The following CTNNA3 variants were observed in gnomAD, a reference collection of about 807,000 sequenced individuals.
The protein encoded by CTNNA3 is catenin alpha 3.
Under a neutral mutation model 95.7 loss-of-function variants are expected in CTNNA3, and 76 were observed. That is an observed-to-expected ratio of 0.79 (90% CI 0.66 to 0.96). CTNNA3 has a LOEUF of 0.96. Ranked by LOEUF, CTNNA3 falls within the 40% of genes least tolerant of loss-of-function variation. The pLI is 0.00. For synonymous variants in CTNNA3, 431 were observed against 374.4 expected (o/e 1.15, Z -1.74); for missense variants, 1,191 against 1,089.8 (o/e 1.09, Z -1.31).
chr10:66,264,163 G>A (rs1055082537), intron 13 of CTNNA3, among the ~76,000 whole-genome samples: 1 of 151,800 alleles, frequency 6.6e-6, no homozygotes, highest in African/African-American at 2.4e-5. Context: ...TATGAAATGA[G>A]CAAATTCAAT....
At chr10:66,532,292 C>G (rs946545203) in intron 10 of CTNNA3, among the ~76,000 whole-genome samples, 1 of 151,998 alleles carries the variant, frequency 6.6e-6, no homozygotes, top group Non-Finnish European at 1.5e-5. Flanking sequence ...GAAACCCCGT[C>G]TCTACTAAAA....
intron 3 of CTNNA3, among the ~76,000 whole-genome samples, chr10:67,605,781 C>A (rs761518862): frequency 1.3e-5 from 2 of 152,034 alleles, no homozygotes; most frequent in Non-Finnish European, 2.9e-5. Flanking sequence ...CAGGTTCAAG[C>A]GATTCTCCTG....
chr10:66,212,820 A>G lies in CTNNA3; in HGVS notation c.1884+67650T>C, dbSNP rs561143111. On this transcript the variant is annotated intron_variant, in intron 13 of 17. Coordinates refer to ENST00000433211, the MANE Select transcript of CTNNA3 (RefSeq NM_013266.4). ...GGAGTTTGAGACCAGCCTGGCCAAC[A>G]TGGCGAAACCCCATCTCTACTAAAA... Among the ~76,000 whole-genome samples the G allele has an allele frequency of 2.6e-5, 4 of 152,330 alleles. No homozygotes were observed. The South Asian group carries it at 8.3e-4, about 32-fold the overall frequency.
intron 7 of CTNNA3, among the ~76,000 whole-genome samples, chr10:66,887,100 A>T (rs912413866): frequency 7.2e-5 from 11 of 152,166 alleles, no homozygotes; most frequent in Non-Finnish European, 1.2e-4. Flanking sequence ...GTGGAGTTTC[A>T]TCACACCAGG....
At chr10:66,661,301 G>A (rs1211652025) in intron 9 of CTNNA3, among the ~76,000 whole-genome samples, 4 of 152,200 alleles carry the variant, frequency 2.6e-5, no homozygotes, top group South Asian at 2.1e-4. Flanking sequence ...GGAGGCAAAA[G>A]GCACTTCTTA....
At chr10:66,129,714 C>T (rs1008684581) in intron 13 of CTNNA3, among the ~76,000 whole-genome samples, 1 of 152,056 alleles carries the variant, frequency 6.6e-6, no homozygotes, top group African/African-American at 2.4e-5. Flanking sequence ...CTCTTGTGGA[C>T]TGCACCTGAT....
At chr10:66,423,760 G>A (rs1257735549) in intron 11 of CTNNA3, among the ~76,000 whole-genome samples, 1 of 152,192 alleles carries the variant, frequency 6.6e-6, no homozygotes, top group Non-Finnish European at 1.5e-5. Context: ...CAGTCTGTAA[G>A]AGAGAATGCT....
At chr10:66,564,609 C>T (rs1314713723) in intron 10 of CTNNA3, among the ~76,000 whole-genome samples, 1 of 152,168 alleles carries the variant, frequency 6.6e-6, no homozygotes, top group South Asian at 2.1e-4. Flanking sequence ...CTGAGGTCTT[C>T]TCTTTCTGAT....
In CTNNA3 at chr10:67,212,668, A is replaced by G. The variant is rs181396259; in HGVS notation, c.843+6939T>C. On this transcript the variant is annotated intron_variant, in intron 6 of 17. Coordinates refer to ENST00000433211, the MANE Select transcript of CTNNA3 (RefSeq NM_013266.4). ...AGAAGTTTTAAATAAATTATATTGA[A>G]TTTTTCAAATGTTTTCTGTATCTAC... 5.9e-3 allele frequency among the ~76,000 whole-genome samples: 899 copies of G among 151,856 alleles called. 7 individuals are homozygous for G. The highest frequency in any genetic ancestry group is 0.021 in the African/African-American group (852 of 41,486).
intron 11 of CTNNA3, among the ~76,000 whole-genome samples, chr10:66,446,101 A>C (rs1284198335): frequency 4.6e-5 from 7 of 152,204 alleles, no homozygotes; most frequent in Non-Finnish European, 1.5e-5. Flanking sequence ...CTTGACACAT[A>C]CACCCTCCCA....
At chr10:66,142,925 G>A (rs949113923) in intron 13 of CTNNA3, among the ~76,000 whole-genome samples, 12 of 152,080 alleles carry the variant, frequency 7.9e-5, no homozygotes, top group Admixed American at 4.6e-4. Context: ...TTTTTAAGGC[G>A]GTGAATAATA....
At chr10:67,313,656 G>C (rs1414155810) in intron 5 of CTNNA3, among the ~76,000 whole-genome samples, 1 of 152,140 alleles carries the variant, frequency 6.6e-6, no homozygotes, top group Non-Finnish European at 1.5e-5. Context: ...TATGAGACCT[G>C]AGGCAGGAGA....
rs61663302 is a variant in CTNNA3, at chr10:67,221,633, G to A, written c.580-1763C>T. Among the ~76,000 whole-genome samples the A allele has an allele frequency of 0.013, 1,952 of 152,066 alleles. 120 individuals carry two copies. In the East Asian group the frequency reaches 0.19, roughly 15 times the overall value. On this transcript the variant is annotated intron_variant, in intron 5 of 17. Coordinates refer to ENST00000433211, the MANE Select transcript of CTNNA3 (RefSeq NM_013266.4). ...TCTGTCGCCGAGGCTGGAGTACAGT[G>A]GCGCGATCTAGGCTCACTGCAAGCT...
chr10:67,298,813 C>T (rs1373836290), intron 5 of CTNNA3, among the ~76,000 whole-genome samples: 1 of 152,186 alleles, frequency 6.6e-6, no homozygotes, highest in African/African-American at 2.4e-5. Context: ...AGCATCACAA[C>T]CTACTTAAGT....
intron 11 of CTNNA3, among the ~76,000 whole-genome samples, chr10:66,512,592 A>G (rs1317820673): frequency 6.6e-6 from 1 of 152,102 alleles, no homozygotes; most frequent in Non-Finnish European, 1.5e-5. Flanking sequence ...ACATCTACCA[A>G]TGATATAGAC....
intron 7 of CTNNA3, among the ~76,000 whole-genome samples, chr10:66,925,013 T>C (rs931149530): frequency 7.2e-5 from 11 of 152,178 alleles, no homozygotes; most frequent in Admixed American, 2.0e-4. Context: ...GCAATTCTAA[T>C]AGAACAAGCA....
At chr10:66,117,712 T>G (rs1026773714) in intron 13 of CTNNA3, among the ~76,000 whole-genome samples, 9 of 152,244 alleles carry the variant, frequency 5.9e-5, no homozygotes, top group African/African-American at 2.2e-4. Context: ...TATCACTTTA[T>G]AGTGTTTATG....
intron 12 of CTNNA3, among the ~76,000 whole-genome samples, chr10:66,284,157 T>C (rs1464303100): frequency 6.6e-6 from 1 of 151,904 alleles, no homozygotes; most frequent in African/African-American, 2.4e-5. Flanking sequence ...CACAGCCAAA[T>C]TCAGAACCAG....
At chr10:66,383,389 T>A (rs2456755) in intron 11 of CTNNA3, among the ~76,000 whole-genome samples, 72,699 of 151,794 alleles carry the variant, frequency 0.48, 17,821 homozygotes, top group African/African-American at 0.58. Context: ...GAAGACAAGG[T>A]TAGACAAAAA....
Sources: allele counts gnomAD v4.1 joint callset (sites outside exome capture counted in the v4.1 genomes callset), GRCh38; gene constraint gnomAD v4.1.1; transcripts MANE v1.5; gene names NCBI Gene and HGNC (gene_info 2026-07-23, HGNC 2026-07-21).